Variants in DNAAF4 observed in about 807,000 individuals in gnomAD.
DNAAF4 encodes the protein dynein axonemal assembly factor 4.
DNAAF4 carries 43 observed loss-of-function variants against 51.8 expected under a neutral mutation model. The observed-to-expected ratio is 0.83, with a 90% CI of 0.65 to 1.07. The LOEUF (loss-of-function observed/expected upper bound fraction) is 1.07. DNAAF4 is among the 50% of genes least tolerant of loss of function. DNAAF4 has a pLI of 0.00. For missense variants in DNAAF4, 581 were observed against 493.0 expected (o/e 1.18, Z -1.69); for synonymous variants, 194 against 165.6 (o/e 1.17, Z -1.32).
chr15:55,444,298 G>A (rs572340759), intron 6 of DNAAF4, among the ~76,000 whole-genome samples: 1 of 152,232 alleles, frequency 6.6e-6, no homozygotes, highest in South Asian at 2.1e-4. Flanking sequence ...TATTAAATAG[G>A]GAATCCTTTC....
At chr15:55,447,877 G>GGAGAGGT (rs2057863238) in intron 6 of DNAAF4, among the ~76,000 whole-genome samples, 2 of 95,664 alleles carry the variant, frequency 2.1e-5, no homozygotes, top group South Asian at 4.0e-4. Flanking sequence ...AGGGGAGAGG[G>GGAGAGGT]GAGAGGGGAG....
chr15:55,494,326 G>A (rs1374684577), intron 3 of DNAAF4, among the ~76,000 whole-genome samples: 1 of 152,078 alleles, frequency 6.6e-6, no homozygotes, highest in African/African-American at 2.4e-5. Flanking sequence ...AGCGCGCCCG[G>A]CAAACTGAGT....
intron 4 of DNAAF4, among the ~76,000 whole-genome samples, chr15:55,468,775 C>T (rs192431273): frequency 1.7e-3 from 262 of 152,100 alleles, no homozygotes; most frequent in Middle Eastern, 6.8e-3. Context: ...ACTGTTCTTA[C>T]AACAAAAAAT....
chr15:55,445,031 C>T (rs1013800866), intron 6 of DNAAF4, among the ~76,000 whole-genome samples: 2 of 131,512 alleles, frequency 1.5e-5, no homozygotes, highest in Admixed American at 7.7e-5. Flanking sequence ...AATTGAATAC[C>T]CTTTTTTTTT....
intron 7 of DNAAF4, chr15:55,418,505 ACT>A (rs1327496634): frequency 7.2e-6 from 11 of 1,526,742 alleles, no homozygotes; most frequent in Non-Finnish European, 8.8e-6. Context: ...TCAAAATAAC[ACT>A]CTAAATACTG....
At chr15:55,429,738 A>G (rs539351176), downstream of DNAAF4, among the ~76,000 whole-genome samples, 8 of 151,008 alleles carry the variant, frequency 5.3e-5, no homozygotes, top group Non-Finnish European at 1.0e-4. Flanking sequence ...AATGGCCTGA[A>G]CCCAGGAGGC....
chr15:55,489,862 T>C (rs1384652932), intron 4 of DNAAF4, among the ~76,000 whole-genome samples: 1 of 151,608 alleles, frequency 6.6e-6, no homozygotes, highest in Non-Finnish European at 1.5e-5. Context: ...AAAATGGGAA[T>C]TCGAGATAAG....
At chr15:55,486,189 G>T (rs2141571428) in intron 4 of DNAAF4, among the ~76,000 whole-genome samples, 2 of 142,578 alleles carry the variant, frequency 1.4e-5, no homozygotes, top group African/African-American at 6.0e-5. Context: ...TTGGTTGGTT[G>T]GTTGGTTTTT....
chr15:55,467,169 A>C lies in DNAAF4; in HGVS notation c.406-8T>G. 6.6e-7 allele frequency: 1 copy of C among 1,512,412 alleles called. No homozygotes were observed. The highest frequency in any genetic ancestry group is 1.3e-5 in the South Asian group (1 of 79,450). The allele number at this position is 1,512,412 out of a possible 1,614,324, so 93.7% of individuals were successfully genotyped here. On this transcript the variant is annotated splice_region_variant and splice_polypyrimidine_tract_variant and intron_variant, in intron 4 of 9. Transcript: ENST00000321149. The stretch of plus-strand genomic sequence containing the variant: ...CCTCTCTTCTTCTTCAATCTATAAC[A>C]ATTGCAATTACCAAATTCTTTAAAA...
chr15:55,469,462 T>C (rs999192436), intron 4 of DNAAF4, among the ~76,000 whole-genome samples: 3 of 148,602 alleles, frequency 2.0e-5, no homozygotes, highest in Non-Finnish European at 3.0e-5. Flanking sequence ...GTTTCTCCTA[T>C]GCTTACCAAT....
At chr15:55,441,914 T>G (rs2057720701) in intron 6 of DNAAF4, among the ~76,000 whole-genome samples, 1 of 152,222 alleles carries the variant, frequency 6.6e-6, no homozygotes, top group Admixed American at 6.6e-5. Flanking sequence ...AAGATTCATG[T>G]GTTCAGATAC....
At chr15:55,486,439 C>G (rs1198534564) in intron 4 of DNAAF4, among the ~76,000 whole-genome samples, 1 of 152,102 alleles carries the variant, frequency 6.6e-6, no homozygotes, top group African/African-American at 2.4e-5. Flanking sequence ...GGTGATCCAC[C>G]TGCCTCGGCC....
chr15:55,428,484 CTTTTTTTTTTTTTTTTTTT>C (rs747325376), downstream of DNAAF4, among the ~76,000 whole-genome samples: 1 of 85,012 alleles, frequency 1.2e-5, no homozygotes, highest in Non-Finnish European at 2.3e-5. Flanking sequence ...TCTTTTTTTT[CTTTTTTTTTTTTTTTTTTT>C]TTTTTTTTTG....
At chr15:55,451,300 A>C (rs537874579) in intron 5 of DNAAF4, among the ~76,000 whole-genome samples, 1 of 152,232 alleles carries the variant, frequency 6.6e-6, no homozygotes, top group African/African-American at 2.4e-5. Context: ...AAGAGAACTA[A>C]ATTTTTATCT....
chr15:55,440,520 A>C (rs1181498151), intron 6 of DNAAF4, among the ~76,000 whole-genome samples: 1 of 151,862 alleles, frequency 6.6e-6, no homozygotes, highest in African/African-American at 2.4e-5. Flanking sequence ...CTGGGACTAC[A>C]GGCACCCACC....
At chr15:55,472,850 A>G (rs1343401037) in intron 4 of DNAAF4, among the ~76,000 whole-genome samples, 3 of 152,072 alleles carry the variant, frequency 2.0e-5, no homozygotes, top group African/African-American at 4.8e-5. Context: ...TGTGAATTAC[A>G]TGCAAAAATT....
intron 7 of DNAAF4, among the ~76,000 whole-genome samples, chr15:55,424,353 T>C (rs1258475448): frequency 6.6e-6 from 1 of 152,208 alleles, no homozygotes; most frequent in Non-Finnish European, 1.5e-5. Context: ...ATGAACCAAA[T>C]AAATCTCTGT....
At chr15:55,437,332 G>C (rs563046805) in intron 7 of DNAAF4, among the ~76,000 whole-genome samples, 1 of 152,246 alleles carries the variant, frequency 6.6e-6, no homozygotes, top group African/African-American at 2.4e-5. Context: ...TTTTACTCTT[G>C]GGAGTTAGAA....
At chr15:55,487,734 C>T (rs1324612531) in intron 4 of DNAAF4, among the ~76,000 whole-genome samples, 1 of 152,010 alleles carries the variant, frequency 6.6e-6, no homozygotes, top group Non-Finnish European at 1.5e-5. Context: ...TTCTTGAAGT[C>T]AGTGAGACCA....
Sources: gnomAD v4.1 joint callset for allele counts (sites outside exome capture counted in the v4.1 genomes callset) on GRCh38, gnomAD v4.1.1 for gene constraint, MANE v1.5 for transcripts, NCBI Gene and HGNC (gene_info 2026-07-23, HGNC 2026-07-21) for gene names.